The following AHCYL2 variants were observed in gnomAD, a reference collection of about 807,000 sequenced individuals.
AHCYL2 encodes the protein adenosylhomocysteinase like 2.
AHCYL2 carries 28 observed loss-of-function variants against 81.4 expected under a neutral mutation model. The ratio of observed to expected loss-of-function variants is 0.34; its 90% CI spans 0.25 to 0.47. The LOEUF is 0.47. Among genes scored for constraint, AHCYL2 ranks in the 20% least tolerant of loss-of-function variants. The pLI, the probability that AHCYL2 is intolerant of heterozygous loss-of-function variation, is 1.00. For synonymous variants in AHCYL2, 272 were observed against 290.2 expected, an observed-to-expected ratio of 0.94 and a Z score of 0.64; for missense variants, 551 against 785.1, an observed-to-expected ratio of 0.70 and a Z score of 3.56.
chr7:129,356,468 A>AG lies in AHCYL2; in HGVS notation c.364-23166dup, dbSNP rs199832370. On this transcript the variant is annotated intron_variant, in intron 1 of 16. Transcript: ENST00000325006. ...TCATCTCATAATTCATTGTGTGTGT[A>AG]GGGGAACCTCTAGATGTTAATTCCT... 1.6e-4 allele frequency among the ~76,000 whole-genome samples: 25 copies of AG among 152,256 alleles called. No homozygotes were observed. The East Asian group carries it at 3.1e-3, about 19-fold the overall frequency.
chr7:129,321,765 G>GTTTTTTTTTTTTTTTTTTTTTT (rs1798035846), intron 1 of AHCYL2, among the ~76,000 whole-genome samples: 8 of 47,630 alleles, frequency 1.7e-4, no homozygotes, highest in Non-Finnish European at 2.3e-4. Flanking sequence ...TTTTTTTTTT[G>GTTTTTTTTTTTTTTTTTTTTTT]GTCTTGGTTT....
intron 13 of AHCYL2, 105 bp from the exon 14 acceptor site, chr7:129,424,769 A>T: frequency 1.7e-6 from 2 of 1,153,986 alleles, no homozygotes; most frequent in Non-Finnish European, 2.6e-6. Context: ...CAGCAGTGTT[A>T]GTCAGGAAGT....
rs149344999 is a variant in AHCYL2, at chr7:129,305,415, G to A, written c.364-74223G>A. Reference sequence around the variant, plus strand: ...GCAGAGGTTGCAGTGAACTGAAATCGTGCCACTGGACTCCAGTCTGGGTGA... The same window carrying A: ...GCAGAGGTTGCAGTGAACTGAAATCATGCCACTGGACTCCAGTCTGGGTGA... On this transcript the variant is annotated intron_variant, in intron 1 of 16. Coordinates refer to ENST00000325006, the MANE Select transcript of AHCYL2 (RefSeq NM_015328.4). 3.9e-4 allele frequency among the ~76,000 whole-genome samples: 60 copies of A among 152,210 alleles called. 1 individual carries two copies. The highest frequency in any genetic ancestry group is 1.2e-3 in the African/African-American group (51 of 41,526).
intron 1 of AHCYL2, among the ~76,000 whole-genome samples, chr7:129,296,004 A>ATTTTGGTTT (rs1797037926): frequency 1.3e-5 from 2 of 152,218 alleles, no homozygotes; most frequent in African/African-American, 4.8e-5. Context: ...GGATAAATAT[A>ATTTTGGTTT]TAGCTGGTTT....
Position 129,229,538 on chromosome 7 carries a change from C to T in AHCYL2, c.363+4099C>T, listed in dbSNP as rs149355565. On this transcript the variant is annotated intron_variant, in intron 1 of 16. Coordinates refer to ENST00000325006, the MANE Select transcript of AHCYL2 (RefSeq NM_015328.4). ...GGTAGAACTTAAATCCAGGGCTGTC[C>T]GTCTCCAAAGCCCATGTCCTTTTCA... 1.2e-3 allele frequency among the ~76,000 whole-genome samples: 183 copies of T among 152,252 alleles called. 1 individual carries two copies. The South Asian group carries it at 0.012, about 10-fold the overall frequency.
At chr7:129,326,233 C>T (rs760426444) in intron 1 of AHCYL2, among the ~76,000 whole-genome samples, 1 of 151,598 alleles carries the variant, frequency 6.6e-6, no homozygotes, top group Non-Finnish European at 1.5e-5. Context: ...ACATAAAAAA[C>T]AAAAAACTCC....
intron 6 of AHCYL2, among the ~76,000 whole-genome samples, chr7:129,402,735 C>CT (rs1379808958): frequency 6.6e-6 from 1 of 152,198 alleles, no homozygotes; most frequent in Non-Finnish European, 1.5e-5. Flanking sequence ...CACCTACATG[C>CT]TGCACGGTTC....
chr7:129,292,818 T>TA (rs1796915288), intron 1 of AHCYL2, among the ~76,000 whole-genome samples: 1 of 152,160 alleles, frequency 6.6e-6, no homozygotes, highest in East Asian at 1.9e-4. Context: ...GAATTTACTT[T>TA]AACTTATTCA....
intron 1 of AHCYL2, among the ~76,000 whole-genome samples, chr7:129,336,655 C>T (rs1462802085): frequency 6.6e-6 from 1 of 152,060 alleles, no homozygotes; most frequent in Non-Finnish European, 1.5e-5. Flanking sequence ...CTTTTCTTCC[C>T]CAAGCAGTGC....
At chr7:129,287,677 A>G (rs2150746952) in intron 1 of AHCYL2, among the ~76,000 whole-genome samples, 1 of 152,360 alleles carries the variant, frequency 6.6e-6, no homozygotes, top group Non-Finnish European at 1.5e-5. Flanking sequence ...TGGATTTGAA[A>G]GTCAGATGCT....
chr7:129,318,337 C>T (rs976777794), intron 1 of AHCYL2, among the ~76,000 whole-genome samples: 1 of 152,200 alleles, frequency 6.6e-6, no homozygotes, highest in Non-Finnish European at 1.5e-5. Context: ...TCAAGTGATC[C>T]TTCCGCCTCA....
chr7:129,286,980 A>G (rs1446577378), intron 1 of AHCYL2, among the ~76,000 whole-genome samples: 1 of 152,186 alleles, frequency 6.6e-6, no homozygotes, highest in African/African-American at 2.4e-5. Flanking sequence ...TAATCCCACT[A>G]TATGTTAACA....
chr7:129,304,094 A>G (rs1341603266), intron 1 of AHCYL2, among the ~76,000 whole-genome samples: 4 of 150,072 alleles, frequency 2.7e-5, no homozygotes, highest in Non-Finnish European at 5.9e-5. Context: ...TAAACAAACA[A>G]ACTTCCCTCT....
rs1327982854 is a variant in AHCYL2 at position 129,426,251 on chromosome 7, G to A, written c.1709-192G>A. 6.6e-6 allele frequency among the ~76,000 whole-genome samples: 1 copy of A among 152,214 alleles called. No homozygotes were observed. Among genetic ancestry groups the A allele is most frequent in the Non-Finnish European group, 1.5e-5 (1 of 68,030 alleles). On this transcript the variant is annotated intron_variant, in intron 15 of 16. Coordinates refer to ENST00000325006, the MANE Select transcript of AHCYL2 (RefSeq NM_015328.4). This position sits in a 1 kb window ranked among gnomAD's most constrained non-coding sequence, Gnocchi z 4.3. The stretch of plus-strand genomic sequence containing the variant: ...GTAAGGATGAATTATTAAGGCTTTG[G>A]AAAGCACTGGGCTTGAAGCTGAAGG...
intron 1 of AHCYL2, among the ~76,000 whole-genome samples, chr7:129,253,716 A>G (rs931889554): frequency 1.3e-5 from 2 of 152,170 alleles, no homozygotes; most frequent in East Asian, 3.9e-4. Flanking sequence ...GGCCCAAGTG[A>G]TTCTTCTGCC....
intron 1 of AHCYL2, among the ~76,000 whole-genome samples, chr7:129,317,175 A>T (rs888839357): frequency 3.3e-5 from 5 of 152,316 alleles, no homozygotes; most frequent in Admixed American, 3.3e-4. Context: ...TAAAAAGCTT[A>T]TATCTCTTCT....
chr7:129,254,746 G>A (rs1459982622), intron 1 of AHCYL2, among the ~76,000 whole-genome samples: 1 of 152,184 alleles, frequency 6.6e-6, no homozygotes, highest in Admixed American at 6.5e-5. Flanking sequence ...TTTCAGAGAA[G>A]ATAGAACTTT....
At position 129,225,195 on chromosome 7, in the gene AHCYL2, C is replaced by A; in HGVS notation, c.119C>A (p.Ala40Asp). ...QLGLSTAAVG[A>D]MAPPAGGGDP... ...GGACTGAGCACGGCCGCCGTGGGCGCCATGGCCCCCCCGGCGGGCGGTGGA... is the reference window on the plus strand; with the variant it reads ...GGACTGAGCACGGCCGCCGTGGGCGACATGGCCCCCCCGGCGGGCGGTGGA... The change falls in exon 1 of 17, where the codon GCC (alanine) becomes GAC (aspartate). Residue 40 changes from alanine to aspartate, a missense_variant. Physicochemically the swap from Ala to Asp is moderately radical, Grantham distance 126. This residue lies in a region of AHCYL2 where 235 missense variants were observed against 242.1 expected (regional missense o/e 0.97). Transcript: ENST00000325006. The A allele has an allele frequency of 6.4e-7, 1 of 1,560,710 alleles. No individual in the cohort carries two copies. Among genetic ancestry groups the A allele is most frequent in the Non-Finnish European group, 8.6e-7 (1 of 1,159,216 alleles).
At chr7:129,398,659 G>A (rs530461133) in intron 5 of AHCYL2, among the ~76,000 whole-genome samples, 121 of 151,816 alleles carry the variant, frequency 8.0e-4, no homozygotes, top group Non-Finnish European at 1.0e-3. Flanking sequence ...GATTACAGGT[G>A]TGAGCCACCG....
Sources: allele counts gnomAD v4.1 joint callset (sites outside exome capture counted in the v4.1 genomes callset), GRCh38; gene constraint gnomAD v4.1.1; regional missense constraint gnomAD v4.1.1; non-coding constraint Gnocchi (gnomAD v3.1); transcripts MANE v1.5; gene names NCBI Gene and HGNC (gene_info 2026-07-23, HGNC 2026-07-21).